The following GSG1L variants were observed in gnomAD, a reference collection of about 807,000 sequenced individuals.
The protein encoded by GSG1L is germ cell-specific gene 1-like protein.
In GSG1L, 24 loss-of-function variants were observed where a neutral mutation model predicts 42.1. The observed-to-expected ratio is 0.57, with a 90% CI of 0.41 to 0.80. The LOEUF (loss-of-function observed/expected upper bound fraction) is 0.80, where lower values mean the gene tolerates loss of function less well. Ranked by LOEUF, GSG1L falls within the 30% of genes least tolerant of loss-of-function variation. GSG1L has a pLI of 0.00. For missense variants in GSG1L, 445 were observed against 472.2 expected (o/e 0.94, Z 0.53); for synonymous variants, 215 against 203.5 (o/e 1.06, Z -0.48).
chr16:27,846,630 T>A (rs2083446138), intron 3 of GSG1L, among the ~76,000 whole-genome samples: 1 of 152,174 alleles, frequency 6.6e-6, no homozygotes, highest in African/African-American at 2.4e-5. Flanking sequence ...TTGGTGGAAC[T>A]CTCTGATTGC....
chr16:27,804,040 T>G (rs2082924733), intron 6 of GSG1L, among the ~76,000 whole-genome samples: 1 of 85,692 alleles, frequency 1.2e-5, no homozygotes, highest in African/African-American at 3.9e-5. Flanking sequence ...ATTAGATGGA[T>G]AGATAGATAG....
At position 28,059,109 on chromosome 16, in the gene GSG1L, G is replaced by A. The variant is rs558737470; in HGVS notation, c.349+3967C>T. Among the ~76,000 whole-genome samples the A allele has an allele frequency of 1.3e-5, 2 of 152,256 alleles. No individual in the cohort carries two copies. Among genetic ancestry groups the A allele is most frequent in the South Asian group, 4.1e-4 (2 of 4,828 alleles). On this transcript the variant is annotated intron_variant, in intron 1 of 6. Coordinates refer to ENST00000447459, the MANE Select transcript of GSG1L (RefSeq NM_001109763.2). This position sits in a 1 kb window ranked among gnomAD's most constrained non-coding sequence, Gnocchi z 4.4. ...TGGTGCTCCCCACTCCCTGCCCTAC[G>A]TCACCAAATCCTTGCATCTCCGGCG...
At chr16:27,885,768 A>G (rs895467868) in intron 2 of GSG1L, among the ~76,000 whole-genome samples, 2 of 152,214 alleles carry the variant, frequency 1.3e-5, no homozygotes, top group African/African-American at 4.8e-5. Context: ...TTCTGACCAC[A>G]TGAGCACCTG....
At chr16:27,938,620 C>T (rs1464698176) in intron 2 of GSG1L, among the ~76,000 whole-genome samples, 1 of 152,200 alleles carries the variant, frequency 6.6e-6, no homozygotes, top group Admixed American at 6.5e-5. Flanking sequence ...ATTGTCAGGA[C>T]GGGCAAGTGC....
chr16:27,949,753 G>A (rs140784496), intron 2 of GSG1L, among the ~76,000 whole-genome samples: 1,678 of 151,960 alleles, frequency 0.011, 39 homozygotes, highest in African/African-American at 0.038. Context: ...ATGAAACCCC[G>A]TCTCTACTAA....
intron 3 of GSG1L, among the ~76,000 whole-genome samples, chr16:27,867,174 T>G (rs1158040872): frequency 1.3e-5 from 2 of 152,048 alleles, no homozygotes; most frequent in African/African-American, 4.8e-5. Context: ...ACTCATGCTC[T>G]AGGAGGAGGG....
At chr16:27,851,684 G>A (rs545466725) in intron 3 of GSG1L, among the ~76,000 whole-genome samples, 8 of 152,340 alleles carry the variant, frequency 5.3e-5, no homozygotes, top group East Asian at 3.9e-4. Flanking sequence ...GTTGCTTGTT[G>A]TGTGAGATCC....
At chr16:28,000,311 A>G (rs1443191292) in intron 1 of GSG1L, among the ~76,000 whole-genome samples, 1 of 152,206 alleles carries the variant, frequency 6.6e-6, no homozygotes, top group East Asian at 1.9e-4. Flanking sequence ...CTACCAAATA[A>G]TGCTAAAGAT....
chr16:27,811,768 C>G (rs2083034285), intron 5 of GSG1L, among the ~76,000 whole-genome samples: 1 of 152,230 alleles, frequency 6.6e-6, no homozygotes, highest in African/African-American at 2.4e-5. Context: ...CCTGCCTCAG[C>G]CTCCCAAGTA....
In GSG1L at chr16:27,935,328, G is replaced by GC. The variant is rs367607142; in HGVS notation, c.397+27827_397+27828insG. 4.9e-3 allele frequency among the ~76,000 whole-genome samples: 752 copies of GC among 152,050 alleles called. 2 individuals carry two copies. Among genetic ancestry groups the GC allele is most frequent in the Non-Finnish European group, 8.5e-3 (580 of 68,018 alleles). The stretch of plus-strand genomic sequence containing the variant: ...GCTAGTCCCATCCTGATGGGGGAAT[G>GC]GGGGGCTTCAGAGTCAACAATGAGG... On this transcript the variant is annotated intron_variant, in intron 2 of 6. Transcript: ENST00000447459.
intron 3 of GSG1L, chr16:27,850,453 A>T: frequency 2.2e-6 from 1 of 450,146 alleles, no homozygotes; most frequent in Non-Finnish European, 4.4e-6. Context: ...AATGATAAAT[A>T]ACACAATGTG....
rs35025078 is a variant in GSG1L at position 27,884,696 on chromosome 16, C to G, written c.398-58G>C. The G allele has an allele frequency of 0.08, 118,827 of 1,493,816 alleles. 5,188 individuals are homozygous for G. The highest frequency in any genetic ancestry group is 0.088 in the Non-Finnish European group (97,578 of 1,102,798). 92.5% of individuals were successfully genotyped at this position (1,493,816 alleles called of 1,614,324 possible). A position where few individuals can be genotyped will look rare whatever the true frequency, so the allele number is the denominator to read the frequency against. On this transcript the variant is annotated intron_variant, in intron 2 of 6. Coordinates refer to ENST00000447459, the MANE Select transcript of GSG1L (RefSeq NM_001109763.2). This position sits in a 1 kb window ranked among gnomAD's most constrained non-coding sequence, Gnocchi z 4.4. The stretch of plus-strand genomic sequence containing the variant: ...AGGGGCCACCCAAGATAGACTCACC[C>G]TGTGCCTATTCCTCCCACAACAGCA...
intron 3 of GSG1L, among the ~76,000 whole-genome samples, chr16:27,856,315 T>C (rs1473092503): frequency 6.6e-6 from 1 of 152,220 alleles, no homozygotes; most frequent in African/African-American, 2.4e-5. Flanking sequence ...TTTTTGTTTC[T>C]ATTTTATTTT....
chr16:27,864,947 C>A (rs1279728601), intron 3 of GSG1L, among the ~76,000 whole-genome samples: 3 of 152,182 alleles, frequency 2.0e-5, no homozygotes, highest in Non-Finnish European at 4.4e-5. Flanking sequence ...TGAGTCCTAC[C>A]GGGCTCCAGA....
At chr16:27,932,239 G>A (rs1040691681) in intron 2 of GSG1L, among the ~76,000 whole-genome samples, 10 of 152,154 alleles carry the variant, frequency 6.6e-5, no homozygotes, top group Non-Finnish European at 1.2e-4. Context: ...TTTTAGTAGA[G>A]ATGGGGTTTC....
chr16:27,974,793 G>C (rs954386534), intron 1 of GSG1L, among the ~76,000 whole-genome samples: 3 of 152,202 alleles, frequency 2.0e-5, no homozygotes, highest in East Asian at 3.9e-4. Context: ...GGTGTGCCCT[G>C]TCTAGATGGG....
chr16:27,893,592 ATT>A (rs1253397666), intron 2 of GSG1L, among the ~76,000 whole-genome samples: 1 of 151,876 alleles, frequency 6.6e-6, no homozygotes, highest in Non-Finnish European at 1.5e-5. Context: ...TTTCCTTTTT[ATT>A]TTTTTAGAGA....
chr16:28,025,716 G>A (rs1317820486), intron 1 of GSG1L, among the ~76,000 whole-genome samples: 1 of 152,218 alleles, frequency 6.6e-6, no homozygotes, highest in African/African-American at 2.4e-5. Flanking sequence ...GAAAGAGCGG[G>A]GACCCCATCC....
chr16:27,975,566 T>A (rs2085241377), intron 1 of GSG1L, among the ~76,000 whole-genome samples: 1 of 152,238 alleles, frequency 6.6e-6, no homozygotes, highest in African/African-American at 2.4e-5. Context: ...TCGGATCTAT[T>A]TACGTGTAGT....
Sources: gnomAD v4.1 joint callset for allele counts (sites outside exome capture counted in the v4.1 genomes callset) on GRCh38, gnomAD v4.1.1 for gene constraint, Gnocchi (gnomAD v3.1) non-coding constraint, MANE v1.5 for transcripts, NCBI Gene and HGNC (gene_info 2026-07-23, HGNC 2026-07-21) for gene names.